Variants in PSMD14 observed in about 807,000 individuals in gnomAD.
The protein encoded by PSMD14 is ubiquitin C-terminal hydrolase PSMD14.
In PSMD14, 7 loss-of-function variants were observed where a neutral mutation model predicts 41.2. The ratio of observed to expected loss-of-function variants is 0.17; its 90% CI spans 0.10 to 0.32. The LOEUF (loss-of-function observed/expected upper bound fraction) is 0.32. Ranked by LOEUF, PSMD14 falls within the 10% of genes least tolerant of loss-of-function variation. The probability of loss-of-function intolerance (pLI) is 1.00; values close to 1 mark genes in which losing one functional copy is unlikely to be tolerated. For missense variants in PSMD14, 139 were observed against 375.6 expected (o/e 0.37, Z 5.21); for synonymous variants, 114 against 122.3 (o/e 0.93, Z 0.45).
chr2:161,348,063 A>G (rs1683068821), intron 3 of PSMD14, among the ~76,000 whole-genome samples: 1 of 152,228 alleles, frequency 6.6e-6, no homozygotes. Flanking sequence ...GAAATGTACC[A>G]TAAACATGTA....
At chr2:161,357,757 G>A (rs1292771881) in intron 3 of PSMD14, among the ~76,000 whole-genome samples, 1 of 151,998 alleles carries the variant, frequency 6.6e-6, no homozygotes, top group Non-Finnish European at 1.5e-5. Context: ...TTTTATAGTG[G>A]CATTGTATGA....
intron 3 of PSMD14, among the ~76,000 whole-genome samples, chr2:161,352,271 G>C (rs1211754290): frequency 2.6e-5 from 4 of 152,148 alleles, no homozygotes; most frequent in Non-Finnish European, 5.9e-5. Flanking sequence ...CCTCAATCCA[G>C]AGCAATTAAA....
intron 3 of PSMD14, among the ~76,000 whole-genome samples, chr2:161,355,627 G>T (rs1436172854): frequency 6.6e-6 from 1 of 151,904 alleles, no homozygotes; most frequent in Admixed American, 6.6e-5. Flanking sequence ...AAAGGAATTT[G>T]GACTTTTTTG....
At position 161,391,032 on chromosome 2, in the gene PSMD14, T is replaced by G. The variant is rs1683704347; in HGVS notation, c.571-72T>G. 8.4e-6 allele frequency: 11 copies of G among 1,313,656 alleles called. No homozygotes were observed. In the South Asian group the frequency reaches 1.7e-4, roughly 20 times the overall value. 81.4% of individuals were successfully genotyped at this position (1,313,656 alleles called of 1,614,324 possible). Reference sequence around the variant, plus strand: ...GGTACAGGTATTATGTAAGAATATATCAACAGTTTCAAACATTTTTATTAG... The same window carrying G: ...GGTACAGGTATTATGTAAGAATATAGCAACAGTTTCAAACATTTTTATTAG... On this transcript the variant is annotated intron_variant, in intron 8 of 11. Coordinates refer to ENST00000409682, the MANE Select transcript of PSMD14 (RefSeq NM_005805.6).
intron 3 of PSMD14, among the ~76,000 whole-genome samples, chr2:161,325,019 G>C (rs907335669): frequency 2.6e-4 from 40 of 152,162 alleles, no homozygotes; most frequent in Middle Eastern, 3.4e-3. Flanking sequence ...CATACAACCT[G>C]CAAGTTTTAA....
intron 1 of PSMD14, among the ~76,000 whole-genome samples, chr2:161,309,883 C>T (rs1689068724): frequency 6.6e-6 from 1 of 151,734 alleles, no homozygotes; most frequent in East Asian, 1.9e-4. Flanking sequence ...AGGCCGGGTG[C>T]GGTGGCTCAC....
At chr2:161,363,194 T>G (rs867090900) in intron 3 of PSMD14, among the ~76,000 whole-genome samples, 1 of 152,172 alleles carries the variant, frequency 6.6e-6, no homozygotes, top group South Asian at 2.1e-4. Context: ...TGCCTGATGA[T>G]CTGAGGTGAA....
chr2:161,332,866 C>G (rs1018370861), intron 3 of PSMD14, among the ~76,000 whole-genome samples: 7 of 152,222 alleles, frequency 4.6e-5, no homozygotes, highest in African/African-American at 1.7e-4. Flanking sequence ...GGGGATCTGA[C>G]TGGCACAGGC....
intron 3 of PSMD14, among the ~76,000 whole-genome samples, chr2:161,338,521 A>G (rs1440321341): frequency 1.3e-5 from 2 of 152,128 alleles, no homozygotes. Flanking sequence ...TTACTTTGTA[A>G]TCACTGTGTA....
At chr2:161,315,906 C>T (rs1210021748) in intron 1 of PSMD14, among the ~76,000 whole-genome samples, 1 of 145,964 alleles carries the variant, frequency 6.9e-6, no homozygotes, top group African/African-American at 2.6e-5. Flanking sequence ...TGCAATGGCG[C>T]GTTCTCGGCT....
chr2:161,359,693 T>C (rs768231007), intron 3 of PSMD14, among the ~76,000 whole-genome samples: 19 of 152,158 alleles, frequency 1.2e-4, no homozygotes, highest in Non-Finnish European at 2.2e-4. Context: ...CATCTCAAGT[T>C]TTCTTTCCAT....
chr2:161,351,522 A>G (rs968333677), intron 3 of PSMD14, among the ~76,000 whole-genome samples: 3 of 152,332 alleles, frequency 2.0e-5, no homozygotes, highest in Admixed American at 1.3e-4. Flanking sequence ...TGTAAAGGAA[A>G]GCCCTTTGCC....
intron 7 of PSMD14, among the ~76,000 whole-genome samples, chr2:161,372,729 T>G (rs958921640): frequency 3.3e-5 from 5 of 152,034 alleles, no homozygotes; most frequent in Non-Finnish European, 7.4e-5. Context: ...TGATGCCTCT[T>G]AAGTTTAATT....
At chr2:161,383,631 T>G (rs1310136268) in intron 7 of PSMD14, 3 of 151,562 alleles carry the variant, frequency 2.0e-5, no homozygotes, top group African/African-American at 7.2e-5. Flanking sequence ...AATTTTGTTG[T>G]GATATATAAT....
At chr2:161,313,569 C>T (rs1030920845) in intron 1 of PSMD14, among the ~76,000 whole-genome samples, 2 of 152,146 alleles carry the variant, frequency 1.3e-5, no homozygotes, top group Non-Finnish European at 2.9e-5. Flanking sequence ...AGGCTGGTCT[C>T]GAGCTTCTGA....
chr2:161,317,179 A>G (rs1486283045), intron 2 of PSMD14, among the ~76,000 whole-genome samples: 1 of 152,058 alleles, frequency 6.6e-6, no homozygotes, highest in East Asian at 1.9e-4. Context: ...GTTGAATGCC[A>G]TATTTGATTT....
intron 9 of PSMD14, among the ~76,000 whole-genome samples, chr2:161,392,550 T>A (rs1399393957): frequency 6.6e-6 from 1 of 152,120 alleles, no homozygotes; most frequent in Non-Finnish European, 1.5e-5. Context: ...GAAATAAGAA[T>A]TCTAATTTTG....
intron 7 of PSMD14, chr2:161,384,487 G>A (rs1283768939): frequency 5.3e-5 from 8 of 151,586 alleles, no homozygotes; most frequent in Admixed American, 5.3e-4. Context: ...AGTTGACACA[G>A]CTTTTAAAAC....
chr2:161,375,715 T>A (rs1016288677), intron 7 of PSMD14, among the ~76,000 whole-genome samples: 1 of 151,816 alleles, frequency 6.6e-6, no homozygotes, highest in Non-Finnish European at 1.5e-5. Context: ...CTTTGGAGAA[T>A]AAATACAAAT....
Sources: allele counts gnomAD v4.1 joint callset (sites outside exome capture counted in the v4.1 genomes callset), GRCh38; gene constraint gnomAD v4.1.1; transcripts MANE v1.5; gene names NCBI Gene and HGNC (gene_info 2026-07-23, HGNC 2026-07-21).